Variants in CREB3L2 observed in about 807,000 individuals in gnomAD.
CREB3L2 encodes cAMP responsive element binding protein 3 like 2, also known as cyclic AMP-responsive element-binding protein 3-like protein 2.
CREB3L2 carries 23 observed loss-of-function variants against 57.2 expected under a neutral mutation model. The observed-to-expected ratio is 0.40, with a 90% CI of 0.29 to 0.57. CREB3L2 has a LOEUF of 0.57. CREB3L2 is among the 20% of genes least tolerant of loss of function. The pLI, the probability that CREB3L2 is intolerant of heterozygous loss-of-function variation, is 0.42. For synonymous variants in CREB3L2, 268 were observed against 265.1 expected, an observed-to-expected ratio of 1.01 and a Z score of -0.11; for missense variants, 628 against 634.7, an observed-to-expected ratio of 0.99 and a Z score of 0.11.
chr7:137,879,661 C>T lies in CREB3L2; in HGVS notation c.*815G>A, dbSNP rs778934798. On this transcript the variant is annotated 3_prime_UTR_variant, in exon 12 of 12. Coordinates refer to ENST00000330387, the MANE Select transcript of CREB3L2 (RefSeq NM_194071.4). The stretch of plus-strand genomic sequence containing the variant: ...GGGTGCCCTCCTAGCTCTGAAGGCT[C>T]GCAGAAAACTTGGCTAGCTTGAAAG... 2.1e-5 allele frequency: 5 copies of T among 238,482 alleles called. No homozygotes were observed. Among genetic ancestry groups the T allele is most frequent in the Non-Finnish European group, 4.1e-5 (5 of 121,556 alleles). 14.8% of individuals were successfully genotyped at this position (238,482 alleles called of 1,614,324 possible). A position where few individuals can be genotyped will look rare whatever the true frequency, so the allele number is the denominator to read the frequency against.
At chr7:137,999,591 C>T (rs1303482719) in intron 1 of CREB3L2, 1 of 152,198 alleles carries the variant, frequency 6.6e-6, no homozygotes, top group South Asian at 2.1e-4. Context: ...ACAAACAGCT[C>T]TGCCCCTGGA....
chr7:137,901,234 C>G (rs1799748027), intron 8 of CREB3L2, 120 bp downstream of exon 8: 2 of 691,692 alleles, frequency 2.9e-6, no homozygotes, highest in East Asian at 2.6e-5. Context: ...CATCTCAGCA[C>G]AACTGCACTT....
chr7:137,900,901 C>T (rs963126610), intron 8 of CREB3L2, among the ~76,000 whole-genome samples: 2 of 152,094 alleles, frequency 1.3e-5, no homozygotes, highest in Non-Finnish European at 2.9e-5. Flanking sequence ...TGGCCAGTGC[C>T]TCCTTGGTCA....
In CREB3L2 at chr7:137,947,682, C is replaced by T. The variant is rs562099410; in HGVS notation, c.103-19316G>A. ...TAAGTTTAGATAAATCTCTTTATTC[C>T]TGATGGTCTAGCCAAGACCAAGTTG... On this transcript the variant is annotated intron_variant, in intron 1 of 11. Transcript: ENST00000330387. Among the ~76,000 whole-genome samples, 44 of 152,166 alleles carry T rather than the reference C, an allele frequency of 2.9e-4. 1 individual carries two copies. Among genetic ancestry groups the T allele is most frequent in the Non-Finnish European group, 5.3e-4 (36 of 68,034 alleles).
chr7:137,912,787 C>T (rs778678429), intron 4 of CREB3L2: 29 of 1,454,138 alleles, frequency 2.0e-5, no homozygotes, highest in African/African-American at 2.8e-5. Context: ...AATTTAATCA[C>T]GTGCATATAT....
At chr7:137,949,981 A>G (rs1233198131) in intron 1 of CREB3L2, among the ~76,000 whole-genome samples, 1 of 152,178 alleles carries the variant, frequency 6.6e-6, no homozygotes, top group Non-Finnish European at 1.5e-5. Context: ...GTGGCTAAGT[A>G]TATTATTTTA....
chr7:137,925,395 C>G (rs1800430735), intron 2 of CREB3L2, among the ~76,000 whole-genome samples: 1 of 152,164 alleles, frequency 6.6e-6, no homozygotes, highest in African/African-American at 2.4e-5. Flanking sequence ...ATTAATTCCC[C>G]ATCTATCACT....
chr7:137,940,113 G>A (rs1800855842), intron 1 of CREB3L2, among the ~76,000 whole-genome samples: 2 of 152,064 alleles, frequency 1.3e-5, no homozygotes, highest in Admixed American at 1.3e-4. Flanking sequence ...AAATTTGGAG[G>A]GTTTTTTGGT....
chr7:137,890,367 A>G (rs1003866929), intron 8 of CREB3L2, among the ~76,000 whole-genome samples: 1 of 152,218 alleles, frequency 6.6e-6, no homozygotes, highest in African/African-American at 2.4e-5. Flanking sequence ...AAAAATGGAA[A>G]ATATAAAACC....
intron 1 of CREB3L2, among the ~76,000 whole-genome samples, chr7:137,946,733 TTATA>T (rs1371823790): frequency 7.8e-6 from 1 of 128,514 alleles, no homozygotes; most frequent in Admixed American, 8.4e-5. Context: ...ATATATAGTT[TTATA>T]TATAGTTTTT....
intron 2 of CREB3L2, among the ~76,000 whole-genome samples, chr7:137,924,270 G>C (rs1800398892): frequency 6.6e-6 from 1 of 152,114 alleles, no homozygotes; most frequent in African/African-American, 2.4e-5. Context: ...TTCTGTATTA[G>C]CCTATTTTAT....
intron 1 of CREB3L2, among the ~76,000 whole-genome samples, chr7:137,976,765 T>C (rs919509939): frequency 3.9e-5 from 6 of 152,314 alleles, no homozygotes; most frequent in Non-Finnish European, 7.4e-5. Flanking sequence ...GGCATTAGTA[T>C]TTTTTAAAAA....
At chr7:137,979,910 G>T (rs1424552218) in intron 1 of CREB3L2, among the ~76,000 whole-genome samples, 1 of 152,178 alleles carries the variant, frequency 6.6e-6, no homozygotes, top group Non-Finnish European at 1.5e-5. Flanking sequence ...AGGGATCCAG[G>T]GGAGGCCACA....
At chr7:137,950,217 A>G (rs1249536354) in intron 1 of CREB3L2, among the ~76,000 whole-genome samples, 1 of 152,198 alleles carries the variant, frequency 6.6e-6, no homozygotes, top group Non-Finnish European at 1.5e-5. Context: ...TGGTTTTGTC[A>G]TGGATTTGTG....
At chr7:137,994,162 T>C (rs1225979790) in intron 1 of CREB3L2, among the ~76,000 whole-genome samples, 1 of 152,168 alleles carries the variant, frequency 6.6e-6, no homozygotes, top group African/African-American at 2.4e-5. Context: ...ACAATTCAGA[T>C]GCCCTGCAAC....
chr7:137,984,751 T>TA (rs1177197944), intron 1 of CREB3L2, among the ~76,000 whole-genome samples: 1 of 152,164 alleles, frequency 6.6e-6, no homozygotes, highest in Non-Finnish European at 1.5e-5. Flanking sequence ...TATGGGGGAA[T>TA]AAAAAATCTA....
intron 1 of CREB3L2, among the ~76,000 whole-genome samples, chr7:137,976,244 C>T (rs1052791808): frequency 2.6e-5 from 4 of 152,224 alleles, no homozygotes; most frequent in Non-Finnish European, 4.4e-5. Flanking sequence ...AGCCACCAGG[C>T]ATGTGCCAAA....
chr7:137,973,879 C>T (rs907282015), intron 1 of CREB3L2, among the ~76,000 whole-genome samples: 1 of 152,188 alleles, frequency 6.6e-6, no homozygotes, highest in Non-Finnish European at 1.5e-5. Context: ...ATTTTATGAG[C>T]TGGCATTGCA....
intron 1 of CREB3L2, among the ~76,000 whole-genome samples, chr7:137,938,278 G>A (rs1190990302): frequency 6.6e-6 from 1 of 152,126 alleles, no homozygotes; most frequent in Non-Finnish European, 1.5e-5. Flanking sequence ...AGGACATATG[G>A]GAAATCTTTC....
Sources: allele counts gnomAD v4.1 joint callset (sites outside exome capture counted in the v4.1 genomes callset), GRCh38; gene constraint gnomAD v4.1.1; transcripts MANE v1.5; gene names NCBI Gene and HGNC (gene_info 2026-07-23, HGNC 2026-07-21).